The following PPEF1 variants were observed in gnomAD, a reference collection of about 807,000 sequenced individuals.
The protein encoded by PPEF1 is protein phosphatase with EF-hand domain 1, also known as serine/threonine-protein phosphatase with EF-hands 1.
In PPEF1, 12 loss-of-function variants were observed where a neutral mutation model predicts 53.3. The ratio of observed to expected loss-of-function variants is 0.23; its 90% CI spans 0.14 to 0.36. The LOEUF is 0.36. Among genes scored for constraint, PPEF1 ranks in the 10% least tolerant of loss-of-function variants. The probability of loss-of-function intolerance (pLI) is 1.00; values close to 1 mark genes in which losing one functional copy is unlikely to be tolerated. For missense variants in PPEF1, 334 were observed against 490.4 expected, an observed-to-expected ratio of 0.68 and a Z score of 3.01; for synonymous variants, 165 against 176.7, an observed-to-expected ratio of 0.93 and a Z score of 0.52.
intron 7 of PPEF1, 24 bp from the exon 8 acceptor site, chrX:18,782,342 C>T (rs1981533834): frequency 8.8e-7 from 1 of 1,140,923 alleles, no homozygotes; most frequent in African/African-American, 1.8e-5. Flanking sequence ...ACAATCAAAT[C>T]ATTTAAATCC....
intron 1 of PPEF1, among the ~76,000 whole-genome samples, chrX:18,719,373 G>A: frequency 9.6e-6 from 1 of 104,027 alleles, no homozygotes. Context: ...TTGACACAGG[G>A]TCTCACTCTG....
chrX:18,693,705 T>C (rs1929547235), intron 4 of PPEF1, among the ~76,000 whole-genome samples: 1 of 112,090 alleles, frequency 8.9e-6, no homozygotes, highest in African/African-American at 3.2e-5. Context: ...TAGCTGGGAT[T>C]ACAGGTGCCT....
At chrX:18,737,757 T>A (rs1021722567) in intron 3 of PPEF1, among the ~76,000 whole-genome samples, 3 of 110,624 alleles carry the variant, frequency 2.7e-5, no homozygotes, top group African/African-American at 9.9e-5. Context: ...TGTGGGAGTC[T>A]AAGTCTCTTT....
chrX:18,826,611 G>A (rs1179623255), intron 15 of PPEF1, among the ~76,000 whole-genome samples: 1 of 107,516 alleles, frequency 9.3e-6, no homozygotes, highest in Non-Finnish European at 1.9e-5. Flanking sequence ...ATTTTTAGTA[G>A]AGATGGGGTT....
At chrX:18,789,988 C>G (rs2046295769) in intron 10 of PPEF1, among the ~76,000 whole-genome samples, 1 of 112,019 alleles carries the variant, frequency 8.9e-6, no homozygotes, top group African/African-American at 3.2e-5. Context: ...TAAACTAATT[C>G]TAAAAAAGTT....
At chrX:18,685,040 A>G (rs1929016158) in intron 2 of PPEF1, among the ~76,000 whole-genome samples, 1 of 112,349 alleles carries the variant, frequency 8.9e-6, no homozygotes, top group African/African-American at 3.2e-5. Context: ...AACACCTGAT[A>G]GCAGCCAGTG....
intron 1 of PPEF1, among the ~76,000 whole-genome samples, chrX:18,708,972 A>T (rs541053805): frequency 1.8e-5 from 2 of 111,274 alleles, no homozygotes; most frequent in African/African-American, 6.5e-5. Context: ...AAAAAAGCCA[A>T]GTCCAACTTG....
chrX:18,680,647 A>G (rs1289285913), upstream of PPEF1, among the ~76,000 whole-genome samples: 4 of 109,838 alleles, frequency 3.6e-5, no homozygotes, highest in African/African-American at 1.3e-4. Flanking sequence ...TTTAAGTTTC[A>G]GGGTACATGT....
At chrX:18,788,324 A>AAAAAG (rs2046260430) in intron 9 of PPEF1, among the ~76,000 whole-genome samples, 1 of 69,838 alleles carries the variant, frequency 1.4e-5, no homozygotes, top group African/African-American at 5.6e-5. Flanking sequence ...AAAAAAAAAA[A>AAAAAG]AAAGGAAACT....
intron 6 of PPEF1, among the ~76,000 whole-genome samples, chrX:18,702,598 G>C (rs1031512543): frequency 9.2e-6 from 1 of 108,118 alleles, no homozygotes. Context: ...GGTGGCGAAC[G>C]TTAGTTTGTC....
chrX:18,692,057 C>T (rs761055751), intron 4 of PPEF1, among the ~76,000 whole-genome samples: 1 of 111,970 alleles, frequency 8.9e-6, no homozygotes, highest in African/African-American at 3.2e-5. Flanking sequence ...TATAAGCTCT[C>T]CCTGGCTATT....
At chrX:18,749,488 G>T (rs902150720) in intron 3 of PPEF1, among the ~76,000 whole-genome samples, 2 of 111,314 alleles carry the variant, frequency 1.8e-5, no homozygotes, top group Non-Finnish European at 3.8e-5. Context: ...CTAGAGCTTC[G>T]ATCATCCAAA....
upstream of PPEF1, among the ~76,000 whole-genome samples, chrX:18,705,321 G>C (rs184296883): frequency 2.7e-5 from 3 of 112,163 alleles, no homozygotes. Flanking sequence ...ATGGTTTGGA[G>C]TGGGATGCCA....
chrX:18,764,115 G>T (rs2045720144), intron 6 of PPEF1, among the ~76,000 whole-genome samples: 1 of 111,319 alleles, frequency 9.0e-6, no homozygotes, highest in Non-Finnish European at 1.9e-5. Context: ...GCCTTAGGAG[G>T]TAGGATGGTG....
chrX:18,824,597 G>A (rs1452313562), intron 14 of PPEF1, among the ~76,000 whole-genome samples: 1 of 111,853 alleles, frequency 8.9e-6, no homozygotes, highest in Non-Finnish European at 1.9e-5. Context: ...CCACAAGCAA[G>A]TCCACATCAA....
chrX:18,690,409 C>T (rs1398382172), intron 3 of PPEF1, among the ~76,000 whole-genome samples: 2 of 92,446 alleles, frequency 2.2e-5, no homozygotes, highest in Non-Finnish European at 4.1e-5. Context: ...CAGAGTCTTA[C>T]TCTGTCACCC....
At chrX:18,753,393 TAGTC>T (rs1481734431) in intron 4 of PPEF1, among the ~76,000 whole-genome samples, 1 of 112,077 alleles carries the variant, frequency 8.9e-6, no homozygotes, top group African/African-American at 3.2e-5. Context: ...CTTTTTTTCT[TAGTC>T]AGTCTTGCTT....
intron 1 of PPEF1, among the ~76,000 whole-genome samples, chrX:18,710,928 G>A (rs2044307672): frequency 1.8e-5 from 2 of 110,585 alleles, no homozygotes; most frequent in Admixed American, 9.7e-5. Context: ...TGGAATCACC[G>A]TAAGTGTTTT....
chrX:18,681,525 G>C (rs1417466145), upstream of PPEF1, among the ~76,000 whole-genome samples: 5 of 111,778 alleles, frequency 4.5e-5, no homozygotes, highest in Non-Finnish European at 7.5e-5. Context: ...ATTTTTGCTT[G>C]ACTTCTTGAG....
Sources: allele counts gnomAD v4.1 joint callset (sites outside exome capture counted in the v4.1 genomes callset), GRCh38; gene constraint gnomAD v4.1.1; transcripts MANE v1.5; gene names NCBI Gene and HGNC (gene_info 2026-07-23, HGNC 2026-07-21).